The following RGS9 variants were observed in gnomAD, a reference collection of about 807,000 sequenced individuals.
RGS9 encodes the protein regulator of G protein signaling 9, also known as regulator of G-protein signalling 9.
RGS9 carries 78 observed loss-of-function variants against 102.0 expected under a neutral mutation model. The ratio of observed to expected loss-of-function variants is 0.76; its 90% confidence interval spans 0.64 to 0.92. The LOEUF is 0.92. Ranked by LOEUF, RGS9 falls within the 40% of genes least tolerant of loss-of-function variation. The pLI is 0.00. For missense variants in RGS9, 833 were observed against 866.1 expected (o/e 0.96, Z 0.48); for synonymous variants, 353 against 318.6 (o/e 1.11, Z -1.15).
chr17:65,214,864 A>G (rs2144117000), intron 17 of RGS9, among the ~76,000 whole-genome samples: 1 of 152,328 alleles, frequency 6.6e-6, no homozygotes, highest in Middle Eastern at 3.4e-3. Flanking sequence ...CTGCAGTCTC[A>G]TAAGCGCCAC....
At chr17:65,212,125 G>T (rs190828458) in intron 17 of RGS9, among the ~76,000 whole-genome samples, 85 of 152,296 alleles carry the variant, frequency 5.6e-4, no homozygotes, top group Admixed American at 4.3e-3. Flanking sequence ...AACACACAAG[G>T]CTTCACATAG....
intron 9 of RGS9, among the ~76,000 whole-genome samples, chr17:65,188,549 CT>C (rs1456046005): frequency 6.6e-6 from 1 of 152,186 alleles, no homozygotes; most frequent in Non-Finnish European, 1.5e-5. Context: ...GAGCTCTCCC[CT>C]GTAACAAAAG....
rs1598014625 is a variant in RGS9, at chr17:65,227,262, C to T, written c.1893-13C>T. ...CTGCCCCTACATTACTGGCTTTCCT[C>T]TTGCACCTGAAGCTTTTTCCAGATC... is the stretch of plus-strand genomic sequence containing the variant. On this transcript the variant is annotated splice_polypyrimidine_tract_variant and intron_variant, in intron 18 of 18. Transcript: ENST00000262406. 4 of 1,614,114 alleles carry T rather than the reference C, an allele frequency of 2.5e-6. No homozygotes were observed. Among genetic ancestry groups the T allele is most frequent in the East Asian group, 2.2e-5 (1 of 44,872 alleles).
chr17:65,138,458 G>T (rs994821719), intron 1 of RGS9, among the ~76,000 whole-genome samples: 1 of 152,138 alleles, frequency 6.6e-6, no homozygotes, highest in Non-Finnish European at 1.5e-5. Flanking sequence ...CAGCAAATTT[G>T]TATAGTCAGT....
chr17:65,152,340 A>T (rs1910610190), intron 1 of RGS9, among the ~76,000 whole-genome samples: 1 of 152,176 alleles, frequency 6.6e-6, no homozygotes, highest in South Asian at 2.1e-4. Flanking sequence ...GTAAGAAAGA[A>T]GTCAGAGAGG....
At chr17:65,138,528 C>T (rs1235392155) in intron 1 of RGS9, among the ~76,000 whole-genome samples, 2 of 152,002 alleles carry the variant, frequency 1.3e-5, no homozygotes, top group Non-Finnish European at 2.9e-5. Context: ...TCCTGGGGAC[C>T]CCGAGACGGT....
At chr17:65,206,072 T>C (rs1913053863) in intron 15 of RGS9, among the ~76,000 whole-genome samples, 1 of 152,188 alleles carries the variant, frequency 6.6e-6, no homozygotes, top group African/African-American at 2.4e-5. Flanking sequence ...GTGATATAGG[T>C]TATATGATAT....
intron 9 of RGS9, 93 bp downstream of exon 9, chr17:65,177,896 G>C: frequency 1.0e-6 from 1 of 964,596 alleles, no homozygotes; most frequent in African/African-American, 1.6e-5. Flanking sequence ...TTAGGGCAAC[G>C]ATATCTCCTC....
chr17:65,184,859 GTCTCTC>G (rs55810439), intron 9 of RGS9, among the ~76,000 whole-genome samples: 1 of 138,314 alleles, frequency 7.2e-6, no homozygotes, highest in East Asian at 2.1e-4. Flanking sequence ...CCTTCTCACT[GTCTCTC>G]TCTCTCTCTC....
chr17:65,175,277 G>A (rs112958856), intron 8 of RGS9, among the ~76,000 whole-genome samples: 6,272 of 152,064 alleles, frequency 0.041, 438 homozygotes, highest in African/African-American at 0.14. Flanking sequence ...GTGTGGGTGT[G>A]TGAGTGTGAG....
intron 14 of RGS9, 48 bp downstream of exon 14, chr17:65,202,128 GACCAC>G: frequency 7.7e-7 from 1 of 1,305,476 alleles, no homozygotes; most frequent in Non-Finnish European, 1.1e-6. Context: ...GGCCTCTGAG[GACCAC>G]CCCATTGTGC....
intron 13 of RGS9, among the ~76,000 whole-genome samples, chr17:65,199,993 A>AT (rs1912762949): frequency 6.6e-6 from 1 of 152,132 alleles, no homozygotes; most frequent in East Asian, 1.9e-4. Context: ...CTCATTTAAT[A>AT]TTTTTGGTGG....
Position 65,173,770 on chromosome 17 carries a change from A to G in RGS9, c.583-3962A>G, listed in dbSNP as rs1412394159. Among the ~76,000 whole-genome samples the G allele has an allele frequency of 2.6e-5, 4 of 152,202 alleles. No individual in the cohort carries two copies. Among genetic ancestry groups the G allele is most frequent in the African/African-American group, 9.7e-5 (4 of 41,430 alleles). ...CTGAACACCCTGTTATGTGCCAGAA[A>G]CTGTGTCAGCAGCACTCTGGTGATG... On this transcript the variant is annotated intron_variant, in intron 8 of 18. Transcript: ENST00000262406. This position sits in a 1 kb window ranked among gnomAD's most constrained non-coding sequence, Gnocchi z 4.8.
At position 65,151,355 on chromosome 17, in the gene RGS9, AAAAG is replaced by A. The variant is rs1438634912; in HGVS notation, c.58-2065_58-2062del. On this transcript the variant is annotated intron_variant, in intron 1 of 18. Coordinates refer to ENST00000262406, the MANE Select transcript of RGS9 (RefSeq NM_003835.4). Reference sequence around the variant, plus strand: ...GGAAGACCTGTCCCAAAAAAAAAAAAAAAGAGTCCTTCAGCTGATATTATTTCCA... The same window carrying A: ...GGAAGACCTGTCCCAAAAAAAAAAAAAGTCCTTCAGCTGATATTATTTCCA... 4.2e-3 allele frequency among the ~76,000 whole-genome samples: 581 copies of A among 138,984 alleles called. 3 individuals are homozygous for A. The highest frequency in any genetic ancestry group is 0.017 in the African/African-American group (541 of 32,342). The allele number at this position is 138,984 out of a possible 152,430, so 91.2% of individuals were successfully genotyped here. A position where few individuals can be genotyped will look rare whatever the true frequency, so the allele number is the denominator to read the frequency against.
At chr17:65,149,700 A>G (rs1231473891) in intron 1 of RGS9, among the ~76,000 whole-genome samples, 1 of 152,234 alleles carries the variant, frequency 6.6e-6, no homozygotes, top group Non-Finnish European at 1.5e-5. Context: ...CATACATAAC[A>G]TATATCTCTC....
intron 8 of RGS9, among the ~76,000 whole-genome samples, chr17:65,171,879 G>A (rs1265389496): frequency 6.6e-6 from 1 of 152,232 alleles, no homozygotes; most frequent in Non-Finnish European, 1.5e-5. Context: ...CCTTAGACAG[G>A]CATGTGGAGG....
chr17:65,219,832 A>T (rs1277628845), intron 17 of RGS9, among the ~76,000 whole-genome samples: 3 of 152,076 alleles, frequency 2.0e-5, no homozygotes, highest in Non-Finnish European at 4.4e-5. Context: ...CACTATCACC[A>T]TTATCACCAT....
intron 17 of RGS9, among the ~76,000 whole-genome samples, chr17:65,212,708 A>G (rs2869582): frequency 0.19 from 28,230 of 152,198 alleles, 4,516 homozygotes; most frequent in African/African-American, 0.44. Flanking sequence ...CAGAAGAGGG[A>G]CACTTACACT....
chr17:65,185,244 T>C (rs954250187), intron 9 of RGS9: 2 of 152,226 alleles, frequency 1.3e-5, no homozygotes, highest in African/African-American at 4.8e-5. Flanking sequence ...AATTATCACA[T>C]GACAAGTCGA....
Sources: allele counts gnomAD v4.1 joint callset (sites outside exome capture counted in the v4.1 genomes callset), GRCh38; gene constraint gnomAD v4.1.1; non-coding constraint Gnocchi (gnomAD v3.1); transcripts MANE v1.5; gene names NCBI Gene and HGNC (gene_info 2026-07-23, HGNC 2026-07-21).